CDH17: variants seen among roughly 807,000 people sequenced by gnomAD.
The protein encoded by CDH17 is cadherin 17.
In CDH17, 67 loss-of-function variants were observed where a neutral mutation model predicts 86.3. The ratio of observed to expected loss-of-function variants is 0.78; its 90% confidence interval spans 0.64 to 0.95. CDH17 has a LOEUF of 0.95. Among genes scored for constraint, CDH17 ranks in the 40% least tolerant of loss-of-function variants. The pLI is 0.00. For missense variants in CDH17, 993 were observed against 1,017.6 expected (o/e 0.98, Z 0.33); for synonymous variants, 367 against 366.4 (o/e 1.00, Z -0.02).
intron 1 of CDH17, among the ~76,000 whole-genome samples, chr8:94,215,467 C>T (rs113771476): frequency 7.0e-4 from 106 of 152,198 alleles, no homozygotes; most frequent in Middle Eastern, 6.8e-3. Context: ...AAGAAGATTT[C>T]GGAGTTGCCT....
At chr8:94,183,924 G>A (rs1813529428) in intron 3 of CDH17, among the ~76,000 whole-genome samples, 1 of 151,168 alleles carries the variant, frequency 6.6e-6, no homozygotes, top group South Asian at 2.1e-4. Flanking sequence ...TCTCTCCCAA[G>A]AAGATATATA....
At position 94,170,858 on chromosome 8, in the gene CDH17, T is replaced by A; in HGVS notation, c.911A>T (p.Asp304Val). Residue 304 changes from aspartate (D) to valine (V), a missense_variant, in exon 8 of 18, where the codon GAT (aspartate) becomes GTT (valine). Physicochemically the swap from Asp to Val is radical, Grantham distance 152. Transcript: ENST00000027335. ...AAACTCTTCTCTTTTACTCACTGCA[T>A]CCTTTTCTTCTCGGTCCAAGGGCTG... ...VTQPLDREEK[D>V]AYVFYAVAKD... 6.2e-7 allele frequency: 1 copy of A among 1,613,656 alleles called. No homozygotes were observed. Among genetic ancestry groups the A allele is most frequent in the Admixed American group, 1.7e-5 (1 of 59,974 alleles).
At chr8:94,191,916 G>C (rs1431208521) in intron 2 of CDH17, among the ~76,000 whole-genome samples, 1 of 152,148 alleles carries the variant, frequency 6.6e-6, no homozygotes, top group Non-Finnish European at 1.5e-5. Context: ...ATAAGAACTG[G>C]GTGTGCAGGA....
At chr8:94,150,149 T>A (rs1467437958) in intron 13 of CDH17, among the ~76,000 whole-genome samples, 1 of 152,198 alleles carries the variant, frequency 6.6e-6, no homozygotes, top group African/African-American at 2.4e-5. Flanking sequence ...GTTATATACA[T>A]GGGTAATGAG....
Position 94,170,556 on chromosome 8 carries a change from G to A in CDH17, c.916-9C>T, listed in dbSNP as rs1813250006. On this transcript the variant is annotated splice_polypyrimidine_tract_variant and intron_variant, in intron 8 of 17. Coordinates refer to ENST00000027335, the MANE Select transcript of CDH17 (RefSeq NM_004063.4). ...ACTGCATAAAAAACATACTACAACA[G>A]GAAAGTCAGAGTTAAGGCAAGACTC... is the stretch of plus-strand genomic sequence containing the variant. The A allele has an allele frequency of 2.5e-6, 4 of 1,612,998 alleles. No individual in the cohort carries two copies. The highest frequency in any genetic ancestry group is 3.4e-6 in the Non-Finnish European group (4 of 1,179,436).
Position 94,162,085 on chromosome 8 carries a change from C to T in CDH17, c.1359+1G>A. 3.9e-6 allele frequency: 6 copies of T among 1,532,744 alleles called. No individual in the cohort carries two copies. The highest frequency in any genetic ancestry group is 5.4e-6 in the Non-Finnish European group (6 of 1,106,156). The allele number at this position is 1,532,744 out of a possible 1,614,324, so 94.9% of individuals were successfully genotyped here. On this transcript the variant is annotated splice_donor_variant, in intron 11 of 17. Coordinates refer to ENST00000027335, the MANE Select transcript of CDH17 (RefSeq NM_004063.4). LOFTEE classifies it high-confidence loss of function. ...AAAAACAAATAATGACAACTACTCA[C>T]ATCTGATTTTTCAAAGATGGGGATC...
At chr8:94,199,073 ATATATATATATTTTTTT>A (rs1438880957) in intron 1 of CDH17, among the ~76,000 whole-genome samples, 2 of 13,516 alleles carry the variant, frequency 1.5e-4, no homozygotes, top group Admixed American at 5.3e-4. Context: ...ATATATATAT[ATATATATATATTTTTTT>A]TTTTTTATCA....
chr8:94,199,081 ATATTT>A (rs139839165), intron 1 of CDH17, among the ~76,000 whole-genome samples: 133 of 9,778 alleles, frequency 0.014, no homozygotes, highest in Non-Finnish European at 0.026. Context: ...ATATATATAT[ATATTT>A]TTTTTTTTTT....
At chr8:94,148,721 G>GTTTTTTTTTTTT in intron 14 of CDH17, 23 bp downstream of exon 14, 1 of 1,121,660 alleles carries the variant, frequency 8.9e-7, no homozygotes. Flanking sequence ...CTTTTTTTTT[G>GTTTTTTTTTTTT]TTTTTTTTTT....
rs376458463 is a variant in CDH17, at chr8:94,142,931, C to G, written c.2167+2997G>C. Among the ~76,000 whole-genome samples, 3 of 152,224 alleles carry G rather than the reference C, an allele frequency of 2.0e-5. No homozygotes were observed. In the South Asian group the frequency reaches 6.2e-4, roughly 32 times the overall value. On this transcript the variant is annotated intron_variant, in intron 15 of 17. Transcript: ENST00000027335. Reference sequence around the variant, plus strand: ...AAGTCTTGAACCCCTCAAAGTCATCCATGAGGGTTGGAATCAATTTCTTCC... The same window carrying G: ...AAGTCTTGAACCCCTCAAAGTCATCGATGAGGGTTGGAATCAATTTCTTCC...
At position 94,177,828 on chromosome 8, in the gene CDH17, A is replaced by G. The variant is rs1430523802; in HGVS notation, c.151-107T>C. ...TAAAATTTTCATTGGTTCAATTACT[A>G]AATAAGAAATCCTCAACTTTTAAAG... On this transcript the variant is annotated intron_variant, in intron 3 of 17. Coordinates refer to ENST00000027335, the MANE Select transcript of CDH17 (RefSeq NM_004063.4). The G allele has an allele frequency of 6.8e-6, 7 of 1,025,840 alleles. No homozygotes were observed. The Admixed American group carries it at 7.2e-5, about 11-fold the overall frequency. 63.5% of individuals were successfully genotyped at this position (1,025,840 alleles called of 1,614,324 possible).
chr8:94,176,469 C>A, intron 5 of CDH17, 72 bp downstream of exon 5: 1 of 1,516,076 alleles, frequency 6.6e-7, no homozygotes. Flanking sequence ...CAGCTATTAG[C>A]CACACAAGTC....
At position 94,198,329 on chromosome 8, in the gene CDH17, T is replaced by C. The variant is rs572465109; in HGVS notation, c.-20-3624A>G. 3.2e-4 allele frequency among the ~76,000 whole-genome samples: 49 copies of C among 152,222 alleles called. 1 individual carries two copies. Among genetic ancestry groups the C allele is most frequent in the Non-Finnish European group, 4.4e-4 (30 of 68,042 alleles). ...TGGTTGACATATCTAAACATCATTT[T>C]AGAATTAACTCATAGTTAAACAAGA... On this transcript the variant is annotated intron_variant, in intron 1 of 17. Coordinates refer to ENST00000027335, the MANE Select transcript of CDH17 (RefSeq NM_004063.4).
intron 15 of CDH17, among the ~76,000 whole-genome samples, chr8:94,137,955 G>A (rs949215047): frequency 6.6e-6 from 1 of 152,142 alleles, no homozygotes; most frequent in African/African-American, 2.4e-5. Context: ...TTTCAAATCT[G>A]CTGCTTGTTA....
chr8:94,199,074 TATATATA>T (rs1275666263), intron 1 of CDH17, among the ~76,000 whole-genome samples: 1,176 of 19,734 alleles, frequency 0.06, 5 homozygotes, highest in Non-Finnish European at 0.12. Context: ...TATATATATA[TATATATA>T]TATTTTTTTT....
At chr8:94,204,575 T>C (rs911832131) in intron 1 of CDH17, among the ~76,000 whole-genome samples, 1 of 152,208 alleles carries the variant, frequency 6.6e-6, no homozygotes, top group African/African-American at 2.4e-5. Flanking sequence ...GCTCCAAGTC[T>C]TTGCTATTGT....
intron 14 of CDH17, 72 bp downstream of exon 14, chr8:94,148,672 T>C: frequency 7.7e-7 from 1 of 1,291,828 alleles, no homozygotes; most frequent in Non-Finnish European, 1.0e-6. Context: ...TTATCCTCCC[T>C]CCCATTTCAA....
At chr8:94,165,229 T>A (rs1409184886) in intron 10 of CDH17, among the ~76,000 whole-genome samples, 1 of 152,098 alleles carries the variant, frequency 6.6e-6, no homozygotes, top group East Asian at 1.9e-4. Context: ...AGACCTCAAC[T>A]CCCCTGGACT....
At chr8:94,135,678 G>A (rs1402248639) in intron 15 of CDH17, among the ~76,000 whole-genome samples, 4 of 152,130 alleles carry the variant, frequency 2.6e-5, no homozygotes, top group Non-Finnish European at 5.9e-5. Context: ...TGTTATGTGT[G>A]AATTTGATCC....
Sources: allele counts gnomAD v4.1 joint callset (sites outside exome capture counted in the v4.1 genomes callset), GRCh38; gene constraint gnomAD v4.1.1; transcripts MANE v1.5; gene names NCBI Gene and HGNC (gene_info 2026-07-23, HGNC 2026-07-21).